PTPN11: variants seen among roughly 807,000 people sequenced by gnomAD.
PTPN11 encodes the protein protein tyrosine phosphatase non-receptor type 11, also known as tyrosine-protein phosphatase non-receptor type 11.
Under a neutral mutation model 78.8 loss-of-function variants are expected in PTPN11, and 6 were observed. The observed-to-expected ratio is 0.08, with a 90% CI of 0.04 to 0.15. PTPN11 has a LOEUF of 0.15. Ranked by LOEUF, PTPN11 falls within the 10% of genes least tolerant of loss-of-function variation. PTPN11 has a pLI of 1.00. For synonymous variants in PTPN11, 221 were observed against 263.5 expected (o/e 0.84, Z 1.56); for missense variants, 386 against 744.8 (o/e 0.52, Z 5.61).
In PTPN11 at chr12:112,482,460, C is replaced by A. The variant is rs1261899884; in HGVS notation, c.1224+255C>A. 6.6e-6 allele frequency among the ~76,000 whole-genome samples: 1 copy of A among 152,112 alleles called. No homozygotes were observed. Among genetic ancestry groups the A allele is most frequent in the Non-Finnish European group, 1.5e-5 (1 of 68,030 alleles). On this transcript the variant is annotated intron_variant, in intron 10 of 15. Coordinates refer to ENST00000351677, the MANE Select transcript of PTPN11 (RefSeq NM_002834.5). The surrounding 1 kb of genome is among the most constrained non-coding windows in gnomAD (Gnocchi z 4.4). The stretch of plus-strand genomic sequence containing the variant: ...ATTTAAAAACAAATAACTGGCCAGG[C>A]GCCGTGGCTCAGGCCTGTAATCCCA...
At chr12:112,480,477 C>G (rs1457557348) in intron 9 of PTPN11, among the ~76,000 whole-genome samples, 18 of 151,548 alleles carry the variant, frequency 1.2e-4, no homozygotes. Flanking sequence ...AGCGATTTTC[C>G]TGCCTCAGTG....
At chr12:112,423,813 C>G (rs1268992133) in intron 1 of PTPN11, among the ~76,000 whole-genome samples, 4 of 134,064 alleles carry the variant, frequency 3.0e-5, no homozygotes, top group Non-Finnish European at 6.1e-5. Context: ...GTGGCATAAT[C>G]TTGGCTCACT....
At chr12:112,446,232 C>T (rs778697402) in intron 1 of PTPN11, 44 bp from the exon 2 acceptor site, 3 of 1,610,894 alleles carry the variant, frequency 1.9e-6, no homozygotes. Context: ...GTAGTGCTGA[C>T]AGTGTCTTGT....
chr12:112,491,714 T>C (rs964622935), intron 13 of PTPN11, among the ~76,000 whole-genome samples: 6 of 152,214 alleles, frequency 3.9e-5, no homozygotes, highest in Non-Finnish European at 5.9e-5. Flanking sequence ...ATCTTTTTTC[T>C]CTTTTTTTGA....
intron 1 of PTPN11, among the ~76,000 whole-genome samples, chr12:112,429,798 G>A (rs866742594): frequency 7.7e-4 from 114 of 147,264 alleles, no homozygotes; most frequent in African/African-American, 2.5e-3. Context: ...GCAGGACTCC[G>A]TCTCAAAAAA....
At chr12:112,473,366 G>C (rs2038448792) in intron 7 of PTPN11, among the ~76,000 whole-genome samples, 1 of 152,180 alleles carries the variant, frequency 6.6e-6, no homozygotes, top group African/African-American at 2.4e-5. Context: ...TAGGGTGCCA[G>C]ATTTGTGTCT....
intron 1 of PTPN11, among the ~76,000 whole-genome samples, chr12:112,428,618 G>A (rs2037660214): frequency 6.6e-6 from 1 of 151,314 alleles, no homozygotes; most frequent in Non-Finnish European, 1.5e-5. Flanking sequence ...ACCTGTAACT[G>A]GGAAGCATTT....
At chr12:112,457,299 G>T (rs60920694) in intron 6 of PTPN11, 4 of 354,554 alleles carry the variant, frequency 1.1e-5, no homozygotes, top group Middle Eastern at 9.1e-4. Flanking sequence ...AGTTTGCTGA[G>T]AATGATGGTT....
At position 112,431,019 on chromosome 12, in the gene PTPN11, G is replaced by A. The variant is rs1029062705; in HGVS notation, c.14+11894G>A. Among the ~76,000 whole-genome samples, 3 of 152,220 alleles carry A rather than the reference G, an allele frequency of 2.0e-5. No homozygotes were observed. The South Asian group carries it at 6.2e-4, about 32-fold the overall frequency. The stretch of plus-strand genomic sequence containing the variant: ...TCTTTTTGCCACATAAATTGCTGGT[G>A]GGGCCAGTTTGAAGAGGGCTTTGTC... On this transcript the variant is annotated intron_variant, in intron 1 of 15. Coordinates refer to ENST00000351677, the MANE Select transcript of PTPN11 (RefSeq NM_002834.5).
At chr12:112,465,411 A>T (rs1468322628) in intron 6 of PTPN11, among the ~76,000 whole-genome samples, 1 of 145,734 alleles carries the variant, frequency 6.9e-6, no homozygotes, top group Non-Finnish European at 1.5e-5. Flanking sequence ...CTCCAGCCTG[A>T]GTGTATCACA....
intron 11 of PTPN11, among the ~76,000 whole-genome samples, chr12:112,488,231 G>A (rs912468787): frequency 2.0e-5 from 3 of 152,158 alleles, no homozygotes; most frequent in Admixed American, 6.5e-5. Context: ...CCTCAGGCAC[G>A]TTGTACTGGA....
At chr12:112,480,317 G>A (rs935740103) in intron 9 of PTPN11, among the ~76,000 whole-genome samples, 7 of 151,784 alleles carry the variant, frequency 4.6e-5, no homozygotes, top group Non-Finnish European at 8.8e-5. Flanking sequence ...ACAAAATACC[G>A]GAGGGAAAGC....
Position 112,506,969 on chromosome 12 carries a change from G to GATT in PTPN11, c.*1179_*1180insTAT. ...TATTGATGATGATGATGATGATGAT[G>GATT]ATGATGATGATGATGATGATGATGG... is the stretch of plus-strand genomic sequence containing the variant. On this transcript the variant is annotated 3_prime_UTR_variant, in exon 16 of 16. Transcript: ENST00000351677. 1 of 257,344 alleles carries GATT rather than the reference G, an allele frequency of 3.9e-6. No homozygotes were observed. Among genetic ancestry groups the GATT allele is most frequent in the Non-Finnish European group, 7.8e-6 (1 of 128,180 alleles). 15.9% of individuals were successfully genotyped at this position (257,344 alleles called of 1,614,324 possible). A position where few individuals can be genotyped will look rare whatever the true frequency, so the allele number is the denominator to read the frequency against.
chr12:112,459,764 G>C (rs924220839), intron 6 of PTPN11, among the ~76,000 whole-genome samples: 1 of 151,508 alleles, frequency 6.6e-6, no homozygotes, highest in Non-Finnish European at 1.5e-5. Flanking sequence ...CACTGCTCCC[G>C]GCCTTGAAGC....
At chr12:112,473,129 T>C (rs1054237597) in intron 7 of PTPN11, 89 bp downstream of exon 7, 39 of 1,082,060 alleles carry the variant, frequency 3.6e-5, no homozygotes, top group Non-Finnish European at 5.4e-5. Flanking sequence ...TCGTGTGCTC[T>C]TGTTAGCACA....
At chr12:112,460,735 G>A (rs748474977) in intron 6 of PTPN11, among the ~76,000 whole-genome samples, 3 of 152,184 alleles carry the variant, frequency 2.0e-5, no homozygotes, top group East Asian at 1.9e-4. Context: ...CCAGCTACTC[G>A]GGAGGCTGAG....
At chr12:112,429,214 A>G (rs1254773801) in intron 1 of PTPN11, among the ~76,000 whole-genome samples, 2 of 152,158 alleles carry the variant, frequency 1.3e-5, no homozygotes, top group Non-Finnish European at 2.9e-5. Flanking sequence ...AATAATAATA[A>G]TGTTAATAAT....
rs1361935213 is a variant in PTPN11, at chr12:112,508,837, G to C, written c.*3045G>C. 2.6e-5 allele frequency: 4 copies of C among 152,176 alleles called. No individual in the cohort carries two copies. Among genetic ancestry groups the C allele is most frequent in the Admixed American group, 2.6e-4 (4 of 15,268 alleles). 9.4% of individuals were successfully genotyped at this position (152,176 alleles called of 1,614,324 possible). On this transcript the variant is annotated 3_prime_UTR_variant, in exon 16 of 16. Coordinates refer to ENST00000351677, the MANE Select transcript of PTPN11 (RefSeq NM_002834.5). ...GGCTAAATGGGGATGAGGAGACACG[G>C]GTAGGACTTTCTTGGTGTGTGTGCA...
intron 6 of PTPN11, among the ~76,000 whole-genome samples, chr12:112,468,331 G>T (rs1404153396): frequency 1.3e-5 from 2 of 152,164 alleles, no homozygotes; most frequent in Non-Finnish European, 2.9e-5. Context: ...CGAGGGCAGG[G>T]TTTATTTGAT....
Sources: allele counts gnomAD v4.1 joint callset (sites outside exome capture counted in the v4.1 genomes callset), GRCh38; gene constraint gnomAD v4.1.1; non-coding constraint Gnocchi (gnomAD v3.1); transcripts MANE v1.5; gene names NCBI Gene and HGNC (gene_info 2026-07-23, HGNC 2026-07-21).